The following GUCY2C variants were observed in gnomAD, a reference collection of about 807,000 sequenced individuals.
The protein encoded by GUCY2C is guanylyl cyclase C.
In GUCY2C, 118 loss-of-function variants were observed where a neutral mutation model predicts 131.1. The observed-to-expected ratio is 0.90, with a 90% CI of 0.78 to 1.05. The LOEUF (loss-of-function observed/expected upper bound fraction) is 1.05. Among genes scored for constraint, GUCY2C ranks in the 50% least tolerant of loss-of-function variants. The pLI is 0.00. For missense variants in GUCY2C, 1,161 were observed against 1,304.4 expected (o/e 0.89, Z 1.69); for synonymous variants, 452 against 457.8 (o/e 0.99, Z 0.16).
intron 19 of GUCY2C, among the ~76,000 whole-genome samples, chr12:14,634,519 C>A (rs1947219505): frequency 6.6e-6 from 1 of 152,044 alleles, no homozygotes; most frequent in African/African-American, 2.4e-5. Flanking sequence ...CAGAAAACCA[C>A]AAACCATAAT....
chr12:14,696,363 T>C lies in GUCY2C; in HGVS notation c.86A>G (p.Asn29Ser). 1 of 1,614,044 alleles carries C rather than the reference T, an allele frequency of 6.2e-7. No individual in the cohort carries two copies. Among genetic ancestry groups the C allele is most frequent in the South Asian group, 1.1e-5 (1 of 91,078 alleles). ...GATTTCATAGCTGCCATTGTGGCAGTTCTGACTCACCTGGGAACTAAAGGA... is the reference window on the plus strand; with the variant it reads ...GATTTCATAGCTGCCATTGTGGCAGCTCTGACTCACCTGGGAACTAAAGGA... ...WLSFSSQVSQNCHNGSYEISV... is the reference protein window; with the variant it reads ...WLSFSSQVSQSCHNGSYEISV... The change falls in exon 1 of 27, where the codon AAC (asparagine) becomes AGC (serine). Residue 29 changes from asparagine to serine, a missense_variant. Coordinates refer to ENST00000261170, the MANE Select transcript of GUCY2C (RefSeq NM_004963.4).
rs191072861 is a variant in GUCY2C at position 14,656,091 on chromosome 12, G to A, written c.1470+421C>T. Among the ~76,000 whole-genome samples the A allele has an allele frequency of 5.5e-3, 839 of 152,310 alleles. 3 individuals carry two copies. Among genetic ancestry groups the A allele is most frequent in the Middle Eastern group, 0.01 (3 of 294 alleles). ...TATTGGCTGCTGCTATTTCCTGGTTGAAGGTAAATGTGAGCAAATATAAGC... is the reference window on the plus strand; with the variant it reads ...TATTGGCTGCTGCTATTTCCTGGTTAAAGGTAAATGTGAGCAAATATAAGC... On this transcript the variant is annotated intron_variant, in intron 12 of 26. Transcript: ENST00000261170.
intron 22 of GUCY2C, 111 bp downstream of exon 22, chr12:14,621,894 C>T: frequency 1.5e-6 from 1 of 685,278 alleles, no homozygotes; most frequent in South Asian, 2.1e-5. Flanking sequence ...CACCAATTCA[C>T]TAAATGTGAA....
intron 8 of GUCY2C, 158 bp downstream of exon 8, chr12:14,674,467 C>G: frequency 1.3e-6 from 1 of 759,024 alleles, no homozygotes; most frequent in South Asian, 1.4e-5. Context: ...TCAATAACAG[C>G]ACCCTCAAAG....
At chr12:14,679,812 G>T in intron 5 of GUCY2C, 59 bp from the exon 6 acceptor site, 1 of 851,572 alleles carries the variant, frequency 1.2e-6, no homozygotes, top group South Asian at 1.4e-5. Context: ...CAAACAGGCA[G>T]GGAACCAGTT....
At chr12:14,639,726 T>C in intron 19 of GUCY2C, 136 bp downstream of exon 19, 1 of 625,964 alleles carries the variant, frequency 1.6e-6, no homozygotes, top group Non-Finnish European at 2.8e-6. Context: ...GGAGGAAGTG[T>C]GGCCTTGCTG....
intron 10 of GUCY2C, among the ~76,000 whole-genome samples, chr12:14,669,210 CT>C (rs200187697): frequency 2.0e-3 from 277 of 139,094 alleles, no homozygotes; most frequent in African/African-American, 2.8e-3. Context: ...TTTTCTTTTT[CT>C]TTTTTTTTTT....
At chr12:14,684,814 C>T (rs908406936) in intron 3 of GUCY2C, among the ~76,000 whole-genome samples, 2 of 151,800 alleles carry the variant, frequency 1.3e-5, no homozygotes, top group Admixed American at 6.6e-5. Context: ...GGACTACAGG[C>T]GTGCATGACT....
chr12:14,623,900 C>T (rs1028653126), intron 21 of GUCY2C, among the ~76,000 whole-genome samples: 1 of 152,182 alleles, frequency 6.6e-6, no homozygotes, highest in African/African-American at 2.4e-5. Context: ...CTTGAACACC[C>T]TGTGGAACTG....
At position 14,696,259 on chromosome 12, in the gene GUCY2C, T is replaced by C. The variant is rs1265470405; in HGVS notation, c.190A>G (p.Ile64Val). The C allele has an allele frequency of 1.9e-6, 3 of 1,613,998 alleles. No individual in the cohort carries two copies. The highest frequency in any genetic ancestry group is 2.7e-5 in the African/African-American group (2 of 74,926). Reference sequence around the variant, plus strand: ...GCATTTTGCAGACGTCCTCTCACTATTTCCAGCCCCTCATTCACCGCATCT... The same window carrying C: ...GCATTTTGCAGACGTCCTCTCACTACTTCCAGCCCCTCATTCACCGCATCT... The part of the protein sequence containing the change: ...LEDAVNEGLE[I>V]VRGRLQNAGL... The change falls in exon 1 of 27, where the codon ATA (isoleucine) becomes GTA (valine). Residue 64 changes from isoleucine to valine, a missense_variant. Ile to Val is a conservative substitution (Grantham distance 29). Coordinates refer to ENST00000261170, the MANE Select transcript of GUCY2C (RefSeq NM_004963.4).
intron 19 of GUCY2C, among the ~76,000 whole-genome samples, chr12:14,639,401 G>C (rs997867199): frequency 6.6e-6 from 1 of 152,006 alleles, no homozygotes; most frequent in Non-Finnish European, 1.5e-5. Flanking sequence ...AATGCGGTAG[G>C]CTGAGGCTGG....
At chr12:14,687,650 A>G (rs1288806130) in intron 2 of GUCY2C, among the ~76,000 whole-genome samples, 2 of 152,162 alleles carry the variant, frequency 1.3e-5, no homozygotes. Flanking sequence ...CCCAAGAAAC[A>G]AAACAAAACA....
At chr12:14,624,919 T>G (rs1399825768) in intron 21 of GUCY2C, among the ~76,000 whole-genome samples, 1 of 152,220 alleles carries the variant, frequency 6.6e-6, no homozygotes, top group African/African-American at 2.4e-5. Context: ...ATATTGTTTT[T>G]GTCACAACTC....
At chr12:14,679,195 C>T (rs1367541177) in intron 6 of GUCY2C, among the ~76,000 whole-genome samples, 1 of 152,180 alleles carries the variant, frequency 6.6e-6, no homozygotes, top group Non-Finnish European at 1.5e-5. Context: ...ACTTTAAAAT[C>T]AGGCTAGAGA....
intron 7 of GUCY2C, among the ~76,000 whole-genome samples, chr12:14,675,207 CAAAAAAAAAAAAA>C (rs35870014): frequency 1.4e-4 from 5 of 34,782 alleles, no homozygotes; most frequent in South Asian, 1.2e-3. Context: ...AACTCCATCT[CAAAAAAAAAAAAA>C]AAAAAAAAAG....
intron 4 of GUCY2C, among the ~76,000 whole-genome samples, chr12:14,682,240 A>T (rs1212551712): frequency 6.6e-6 from 1 of 152,162 alleles, no homozygotes; most frequent in Non-Finnish European, 1.5e-5. Flanking sequence ...CATAATCCCA[A>T]TAATCCCCAC....
At chr12:14,615,595 T>C (rs1946743808) in intron 25 of GUCY2C, among the ~76,000 whole-genome samples, 1 of 149,372 alleles carries the variant, frequency 6.7e-6, no homozygotes, top group African/African-American at 2.4e-5. Context: ...ATAATATATA[T>C]CTATAATATA....
intron 11 of GUCY2C, 81 bp downstream of exon 11, chr12:14,660,899 CA>C (rs1173753076): frequency 3.5e-6 from 3 of 855,522 alleles, no homozygotes; most frequent in Non-Finnish European, 6.0e-6. Context: ...TATTCATCAT[CA>C]TCAACAGACA....
At chr12:14,673,855 T>A (rs995195123) in intron 8 of GUCY2C, among the ~76,000 whole-genome samples, 2 of 152,120 alleles carry the variant, frequency 1.3e-5, no homozygotes, top group Non-Finnish European at 2.9e-5. Context: ...CCTCCCTGCA[T>A]CTTCAGTGAA....
Sources: gnomAD v4.1 joint callset for allele counts (sites outside exome capture counted in the v4.1 genomes callset) on GRCh38, gnomAD v4.1.1 for gene constraint, MANE v1.5 for transcripts, NCBI Gene and HGNC (gene_info 2026-07-23, HGNC 2026-07-21) for gene names.